COA8: variants seen among roughly 807,000 people sequenced by gnomAD.
COA8 encodes the protein UPF0671 protein C14orf153.
COA8 carries 20 observed loss-of-function variants against 22.0 expected under a neutral mutation model. That is an observed-to-expected ratio of 0.91 (90% CI 0.64 to 1.32). The LOEUF is 1.32. Among genes scored for constraint, COA8 ranks in the 40% most tolerant of loss-of-function variants. COA8 has a pLI of 0.00. For missense variants in COA8, 266 were observed against 230.0 expected (o/e 1.16, Z -1.01); for synonymous variants, 105 against 79.9 (o/e 1.31, Z -1.68).
intron 3 of COA8, among the ~76,000 whole-genome samples, chr14:103,574,941 T>G (rs893547744): frequency 3.9e-5 from 6 of 152,232 alleles, no homozygotes; most frequent in Non-Finnish European, 8.8e-5. Flanking sequence ...AGTGACCCAA[T>G]GAAGTAGATA....
chr14:103,569,377 A>G (rs2076163377), intron 1 of COA8, among the ~76,000 whole-genome samples: 1 of 152,260 alleles, frequency 6.6e-6, no homozygotes, highest in Non-Finnish European at 1.5e-5. Flanking sequence ...AAATATCGGT[A>G]CACCAGCTTT....
chr14:103,590,295 T>G lies in COA8; in HGVS notation c.*9T>G, dbSNP rs1281970624. The G allele has an allele frequency of 6.2e-7, 1 of 1,611,144 alleles. No homozygotes were observed. The highest frequency in any genetic ancestry group is 1.7e-5 in the Admixed American group (1 of 59,822). ...AGAAGAGGAGCAACTAGGAGTCCAC[T>G]CTGACCCAGCCAGAGTCCAGGTTTC... On this transcript the variant is annotated 3_prime_UTR_variant, in exon 5 of 5. Transcript: ENST00000409074.
chr14:103,582,476 C>A (rs747412934), intron 3 of COA8, among the ~76,000 whole-genome samples: 1 of 152,182 alleles, frequency 6.6e-6, no homozygotes, highest in Non-Finnish European at 1.5e-5. Flanking sequence ...CACCAGCACG[C>A]GGGGCTGGAG....
chr14:103,574,579 A>G (rs2076217043), intron 3 of COA8: 1 of 365,592 alleles, frequency 2.7e-6, no homozygotes, highest in African/African-American at 2.1e-5. Flanking sequence ...TTCGTTAAAC[A>G]GATGTCTGCT....
chr14:103,568,544 CAT>C (rs139633966), intron 1 of COA8, among the ~76,000 whole-genome samples: 4,017 of 151,262 alleles, frequency 0.027, 183 homozygotes, highest in African/African-American at 0.091. Context: ...TATACACACA[CAT>C]GTACACATAT....
At chr14:103,568,564 T>C (rs1168209404) in intron 1 of COA8, among the ~76,000 whole-genome samples, 2 of 118,218 alleles carry the variant, frequency 1.7e-5, no homozygotes, top group Non-Finnish European at 3.7e-5. Context: ...TATACACACA[T>C]ATATACGTGT....
chr14:103,567,020 G>A (rs1375190407), intron 1 of COA8, among the ~76,000 whole-genome samples: 1 of 152,130 alleles, frequency 6.6e-6, no homozygotes, highest in Non-Finnish European at 1.5e-5. Flanking sequence ...TAATCTTCCT[G>A]CCTCAGCCTC....
At chr14:103,568,613 G>A (rs868795636) in intron 1 of COA8, among the ~76,000 whole-genome samples, 13 of 70,118 alleles carry the variant, frequency 1.9e-4, no homozygotes, top group South Asian at 8.7e-4. Context: ...ATATATATAT[G>A]TGTGTGTGTA....
chr14:103,584,969 C>A (rs778799792), intron 3 of COA8, among the ~76,000 whole-genome samples: 3 of 151,482 alleles, frequency 2.0e-5, no homozygotes, highest in Non-Finnish European at 4.4e-5. Context: ...GAAACCCCGT[C>A]TTTACTAGAA....
Position 103,590,409 on chromosome 14 carries a change from C to T in COA8, c.*123C>T. 1 of 941,098 alleles carries T rather than the reference C, an allele frequency of 1.1e-6. No individual in the cohort carries two copies. The highest frequency in any genetic ancestry group is 2.7e-5 in the Admixed American group (1 of 36,714). 58.3% of individuals were successfully genotyped at this position (941,098 alleles called of 1,614,324 possible). ...AGCCCCACATCTTCCTAAGGGGCCC[C>T]ATGGCCTGTTTGGGGGCAGGGTAGG... is the stretch of plus-strand genomic sequence containing the variant. On this transcript the variant is annotated 3_prime_UTR_variant, in exon 5 of 5. Coordinates refer to ENST00000409074, the MANE Select transcript of COA8 (RefSeq NM_001370595.2).
At chr14:103,584,513 G>A (rs958679012) in intron 3 of COA8, among the ~76,000 whole-genome samples, 1 of 152,138 alleles carries the variant, frequency 6.6e-6, no homozygotes, top group Non-Finnish European at 1.5e-5. Flanking sequence ...CAGGAACAGG[G>A]GACAAAGACC....
rs377532400 is a variant in COA8, at chr14:103,590,300, C to T, written c.*14C>T. The T allele has an allele frequency of 3.1e-6, 5 of 1,607,034 alleles. No individual in the cohort carries two copies. The highest frequency in any genetic ancestry group is 4.3e-6 in the Non-Finnish European group (5 of 1,174,658). On this transcript the variant is annotated 3_prime_UTR_variant, in exon 5 of 5. Transcript: ENST00000409074. Reference sequence around the variant, plus strand: ...AGGAGCAACTAGGAGTCCACTCTGACCCAGCCAGAGTCCAGGTTTCCACAG... The same window carrying T: ...AGGAGCAACTAGGAGTCCACTCTGATCCAGCCAGAGTCCAGGTTTCCACAG...
chr14:103,564,272 AT>A (rs770073575), intron 1 of COA8, among the ~76,000 whole-genome samples: 2 of 152,192 alleles, frequency 1.3e-5, no homozygotes, highest in Non-Finnish European at 2.9e-5. Flanking sequence ...CTAGTTTACA[AT>A]TTAAACAAGG....
At chr14:103,587,151 G>A in intron 3 of COA8, 123 bp from the exon 4 acceptor site, 1 of 589,576 alleles carries the variant, frequency 1.7e-6, no homozygotes, top group African/African-American at 1.9e-5. Flanking sequence ...AAATACAATT[G>A]ATGTTTGTAT....
chr14:103,570,002 GC>G (rs2076170420), intron 1 of COA8, among the ~76,000 whole-genome samples: 1 of 151,822 alleles, frequency 6.6e-6, no homozygotes, highest in African/African-American at 2.4e-5. Flanking sequence ...GACTACAGGT[GC>G]CGGCCACCAC....
chr14:103,589,603 A>G (rs796903356), intron 4 of COA8, among the ~76,000 whole-genome samples: 2 of 151,880 alleles, frequency 1.3e-5, no homozygotes, highest in African/African-American at 4.8e-5. Context: ...AGCAAGATGA[A>G]AAAACAAAAC....
At position 103,562,993 on chromosome 14, in the gene COA8, C is replaced by T. The variant is rs1222388253; in HGVS notation, c.-9C>T. On this transcript the variant is annotated 5_prime_UTR_variant, in exon 1 of 5. Transcript: ENST00000409074. ...GCCGTGCGCCGCGGGAGCCAGGGGG[C>T]GTGGGGCCATGGTGGTCTTGCGGGC... 4.5e-6 allele frequency: 7 copies of T among 1,548,824 alleles called. No individual in the cohort carries two copies. In the African/African-American group the frequency reaches 8.2e-5, roughly 18 times the overall value.
intron 4 of COA8, among the ~76,000 whole-genome samples, chr14:103,587,804 G>A (rs1453294227): frequency 2.0e-5 from 3 of 151,582 alleles, no homozygotes; most frequent in Admixed American, 6.6e-5. Flanking sequence ...ACTGCGCCTC[G>A]TCTATCAACT....
chr14:103,569,536 G>A (rs556515471), intron 1 of COA8, among the ~76,000 whole-genome samples: 3 of 152,348 alleles, frequency 2.0e-5, no homozygotes, highest in Admixed American at 1.3e-4. Flanking sequence ...AACATTTCCT[G>A]ATGGGGAGCC....
Sources: allele counts gnomAD v4.1 joint callset (sites outside exome capture counted in the v4.1 genomes callset), GRCh38; gene constraint gnomAD v4.1.1; transcripts MANE v1.5; gene names NCBI Gene and HGNC (gene_info 2026-07-23, HGNC 2026-07-21).